Variants in PRKG1 observed in about 807,000 individuals in gnomAD.
PRKG1 encodes cGMP-dependent protein kinase 1.
PRKG1 carries 35 observed loss-of-function variants against 88.1 expected under a neutral mutation model. That is an observed-to-expected ratio of 0.40 (90% confidence interval 0.30 to 0.53). PRKG1 has a LOEUF of 0.53. Among genes scored for constraint, PRKG1 ranks in the 20% least tolerant of loss-of-function variants. PRKG1 has a pLI of 0.59. For missense variants in PRKG1, 540 were observed against 839.8 expected (o/e 0.64, Z 4.41); for synonymous variants, 303 against 292.5 (o/e 1.04, Z -0.37).
intron 2 of PRKG1, among the ~76,000 whole-genome samples, chr10:51,232,894 G>A (rs1275343257): frequency 6.6e-6 from 1 of 152,154 alleles, no homozygotes; most frequent in Non-Finnish European, 1.5e-5. Context: ...TAGTTAGTCA[G>A]GGATGGAGCC....
At chr10:51,081,081 C>A (rs757750614) in intron 1 of PRKG1, among the ~76,000 whole-genome samples, 4 of 152,188 alleles carry the variant, frequency 2.6e-5, no homozygotes, top group Non-Finnish European at 5.9e-5. Flanking sequence ...ATACTACTCT[C>A]CAGCTTTTTT....
chr10:52,170,287 T>C (rs1838629215), intron 9 of PRKG1, among the ~76,000 whole-genome samples: 1 of 152,156 alleles, frequency 6.6e-6, no homozygotes, highest in Non-Finnish European at 1.5e-5. Flanking sequence ...TCTGTTCTGC[T>C]CTCCTCATCA....
intron 5 of PRKG1, among the ~76,000 whole-genome samples, chr10:51,932,891 A>G (rs997294346): frequency 1.3e-5 from 2 of 152,138 alleles, no homozygotes; most frequent in Admixed American, 6.6e-5. Context: ...AGTCAGAGAA[A>G]AAAAAATGTA....
chr10:51,259,943 A>G (rs1050197099), intron 2 of PRKG1, among the ~76,000 whole-genome samples: 1 of 152,152 alleles, frequency 6.6e-6, no homozygotes, highest in Admixed American at 6.5e-5. Flanking sequence ...ATTATGACCC[A>G]TTTAGTTTAT....
chr10:51,622,678 A>T (rs1235038801), intron 3 of PRKG1, among the ~76,000 whole-genome samples: 1 of 152,352 alleles, frequency 6.6e-6, no homozygotes, highest in South Asian at 2.1e-4. Context: ...TTTTCATTAA[A>T]ATTATACAGC....
At chr10:51,833,253 G>T (rs1004645974) in intron 4 of PRKG1, among the ~76,000 whole-genome samples, 1 of 152,174 alleles carries the variant, frequency 6.6e-6, no homozygotes, top group Non-Finnish European at 1.5e-5. Context: ...TGAGCAGGAC[G>T]AGTGAGGTTG....
intron 2 of PRKG1, among the ~76,000 whole-genome samples, chr10:51,425,005 C>T (rs931480167): frequency 3.3e-5 from 5 of 152,044 alleles, no homozygotes; most frequent in African/African-American, 9.7e-5. Flanking sequence ...GCCCTCCCTC[C>T]TTCCTTTCCT....
intron 3 of PRKG1, among the ~76,000 whole-genome samples, chr10:51,766,434 C>T (rs1838165894): frequency 6.6e-6 from 1 of 152,096 alleles, no homozygotes; most frequent in Non-Finnish European, 1.5e-5. Context: ...CCTGAGTAGC[C>T]TTTCTTGTCT....
intron 5 of PRKG1, among the ~76,000 whole-genome samples, chr10:51,913,577 G>T (rs1345235746): frequency 6.6e-6 from 1 of 152,076 alleles, no homozygotes; most frequent in East Asian, 1.9e-4. Context: ...TAGTCTCTTT[G>T]AAAAGTTGTG....
intron 3 of PRKG1, among the ~76,000 whole-genome samples, chr10:51,537,422 C>T (rs1842184175): frequency 6.6e-6 from 1 of 152,098 alleles, no homozygotes; most frequent in East Asian, 1.9e-4. Flanking sequence ...ATCACTTTAT[C>T]CTGGTTGTAT....
chr10:51,460,054 G>A (rs1326010351), intron 2 of PRKG1, among the ~76,000 whole-genome samples: 1 of 152,024 alleles, frequency 6.6e-6, no homozygotes, highest in Non-Finnish European at 1.5e-5. Flanking sequence ...CTGACACTGG[G>A]CTGAATAGTT....
chr10:51,869,493 T>G (rs1841102784), intron 4 of PRKG1, among the ~76,000 whole-genome samples: 1 of 152,008 alleles, frequency 6.6e-6, no homozygotes, highest in Non-Finnish European at 1.5e-5. Flanking sequence ...AGTACCAAAA[T>G]CAAAGAAACA....
At chr10:51,185,038 A>G (rs1837449865) in intron 2 of PRKG1, among the ~76,000 whole-genome samples, 1 of 152,168 alleles carries the variant, frequency 6.6e-6, no homozygotes, top group Non-Finnish European at 1.5e-5. Context: ...ATTCATTTTG[A>G]TAATTGTGAC....
intron 2 of PRKG1, among the ~76,000 whole-genome samples, chr10:51,262,967 A>G (rs958102259): frequency 2.6e-5 from 4 of 152,192 alleles, no homozygotes; most frequent in African/African-American, 9.6e-5. Flanking sequence ...AGCCCACATA[A>G]GAGTCCTTGA....
chr10:51,264,326 G>A (rs1049673736), intron 2 of PRKG1, among the ~76,000 whole-genome samples: 11 of 152,116 alleles, frequency 7.2e-5, no homozygotes, highest in Non-Finnish European at 1.3e-4. Flanking sequence ...CAAAATTCTC[G>A]AATTGTTGAT....
chr10:52,152,417 T>C (rs1001324540), intron 8 of PRKG1, among the ~76,000 whole-genome samples: 2 of 152,060 alleles, frequency 1.3e-5, no homozygotes, highest in African/African-American at 2.4e-5. Context: ...TGAGTGAAAA[T>C]GAGTTAAAAT....
At chr10:51,659,776 A>T (rs1206076451) in intron 3 of PRKG1, among the ~76,000 whole-genome samples, 3 of 152,084 alleles carry the variant, frequency 2.0e-5, no homozygotes, top group Non-Finnish European at 4.4e-5. Context: ...GCCTTGGAAG[A>T]TGCCAATTAA....
chr10:51,695,901 T>A (rs1483632744), intron 3 of PRKG1: 1 of 152,218 alleles, frequency 6.6e-6, no homozygotes, highest in Admixed American at 6.5e-5. Context: ...TTGGTTTTTC[T>A]TCTCCATAGT....
chr10:51,415,552 C>T (rs536437338), intron 2 of PRKG1, among the ~76,000 whole-genome samples: 1 of 152,262 alleles, frequency 6.6e-6, no homozygotes, highest in African/African-American at 2.4e-5. Context: ...AAAGGGCTCT[C>T]TACAGACAGG....
Sources: allele counts gnomAD v4.1 joint callset (sites outside exome capture counted in the v4.1 genomes callset), GRCh38; gene constraint gnomAD v4.1.1; transcripts MANE v1.5; gene names NCBI Gene and HGNC (gene_info 2026-07-23, HGNC 2026-07-21).